The following OR51B5 variants were observed in gnomAD, a reference collection of about 807,000 sequenced individuals.
OR51B5 encodes olfactory receptor 51B5.
For missense variants in OR51B5, 456 were observed against 374.6 expected (o/e 1.22, Z -1.79); for synonymous variants, 186 against 144.8 (o/e 1.28, Z -2.04).
At chr11:5,408,077 A>C in intron 1 of OR51B5, among the ~76,000 whole-genome samples, 1 of 143,738 alleles carries the variant, frequency 7.0e-6, no homozygotes, top group East Asian at 2.0e-4. Flanking sequence ...CCGTCCCTGA[A>C]GCTACATCTT....
chr11:5,486,235 C>G (rs1323205361), intron 1 of OR51B5, among the ~76,000 whole-genome samples: 10 of 145,800 alleles, frequency 6.9e-5, no homozygotes, highest in Admixed American at 6.8e-4. Flanking sequence ...CCCACTACCT[C>G]TTTTTCTTTC....
intron 1 of OR51B5, among the ~76,000 whole-genome samples, chr11:5,460,995 C>T (rs981213843): frequency 2.0e-5 from 3 of 152,160 alleles, no homozygotes; most frequent in Non-Finnish European, 2.9e-5. Flanking sequence ...AACACTCTGA[C>T]AGGGGCTGCC....
chr11:5,389,321 G>C (rs1300707490), intron 1 of OR51B5: 2 of 1,361,452 alleles, frequency 1.5e-6, no homozygotes, highest in Non-Finnish European at 2.1e-6. Context: ...GGTACTGCTT[G>C]TGATGTTGTG....
intron 1 of OR51B5, among the ~76,000 whole-genome samples, chr11:5,353,966 G>GTGTGTCTGTCTATAGTA (rs11274213): frequency 6.6e-6 from 1 of 151,796 alleles, no homozygotes; most frequent in African/African-American, 2.4e-5. Flanking sequence ...CAACTTGGCT[G>GTGTGTCTGTCTATAGTA]TGTGTGAAAT....
At chr11:5,446,911 G>A (rs1478172905) in intron 1 of OR51B5, among the ~76,000 whole-genome samples, 1 of 152,214 alleles carries the variant, frequency 6.6e-6, no homozygotes, top group Non-Finnish European at 1.5e-5. Context: ...TATAAATCGT[G>A]TTTGATAGTG....
chr11:5,425,791 A>G (rs969982656), intron 1 of OR51B5, among the ~76,000 whole-genome samples: 1 of 152,202 alleles, frequency 6.6e-6, no homozygotes, highest in Non-Finnish European at 1.5e-5. Flanking sequence ...TTAAGAGGAC[A>G]TAAGATTGGA....
chr11:5,423,850 T>C (rs1850398778), intron 1 of OR51B5, among the ~76,000 whole-genome samples: 2 of 152,224 alleles, frequency 1.3e-5, no homozygotes, highest in African/African-American at 4.8e-5. Context: ...TGCTAGAGTT[T>C]TTCAGTATTC....
Position 5,422,736 on chromosome 11 carries a change from C to G in OR51B5, n.85-75826G>C, listed in dbSNP as rs772375558. On this transcript the variant is annotated intron_variant and non_coding_transcript_variant, in intron 1 of 4. Coordinates refer to the OR51B5 transcript ENST00000415970. The stretch of plus-strand genomic sequence containing the variant: ...TGCCACTCCCACCTTCTCTCTCGCT[C>G]CTATTGCCTCCACCAGGATATGATC... 1.9e-5 allele frequency: 31 copies of G among 1,613,932 alleles called. No individual in the cohort carries two copies. Among genetic ancestry groups the G allele is most frequent in the Non-Finnish European group, 1.4e-5 (16 of 1,179,966 alleles).
intron 1 of OR51B5, among the ~76,000 whole-genome samples, chr11:5,369,772 T>C (rs1849422791): frequency 6.6e-6 from 1 of 152,206 alleles, no homozygotes; most frequent in African/African-American, 2.4e-5. Flanking sequence ...GGGCTATGTG[T>C]AGCACTGTTA....
chr11:5,370,290 T>C (rs1282243429), intron 1 of OR51B5, among the ~76,000 whole-genome samples: 1 of 152,212 alleles, frequency 6.6e-6, no homozygotes, highest in Non-Finnish European at 1.5e-5. Flanking sequence ...GTGACGATAG[T>C]ATCTTTTATG....
chr11:5,422,268 A>AG, intron 1 of OR51B5: 1 of 1,614,102 alleles, frequency 6.2e-7, no homozygotes, highest in Non-Finnish European at 8.5e-7. Context: ...CCTGGATTTG[A>AG]GGCCTCCCAC....
chr11:5,505,047 C>T (rs1846351812), intron 1 of OR51B5, among the ~76,000 whole-genome samples: 1 of 152,186 alleles, frequency 6.6e-6, no homozygotes, highest in African/African-American at 2.4e-5. Context: ...TTCAAAGGAG[C>T]CTCAGGTTTT....
At chr11:5,433,350 C>T (rs114573911) in intron 1 of OR51B5, among the ~76,000 whole-genome samples, 5,479 of 152,190 alleles carry the variant, frequency 0.036, 273 homozygotes, top group African/African-American at 0.12. Context: ...TTTATAAAAT[C>T]AATTTTTAAA....
chr11:5,404,341 T>C (rs959846731), intron 1 of OR51B5, among the ~76,000 whole-genome samples: 1 of 152,164 alleles, frequency 6.6e-6, no homozygotes, highest in Non-Finnish European at 1.5e-5. Flanking sequence ...TAAAGGGTTG[T>C]AAATGCACCA....
chr11:5,391,745 G>A (rs373555422), intron 1 of OR51B5: 2 of 141,438 alleles, frequency 1.4e-5, no homozygotes, highest in South Asian at 4.8e-4. Flanking sequence ...ATTACCATGA[G>A]GCCAGGCACG....
chr11:5,408,445 A>G (rs1850095076), intron 1 of OR51B5, among the ~76,000 whole-genome samples: 1 of 150,022 alleles, frequency 6.7e-6, no homozygotes, highest in Non-Finnish European at 1.5e-5. Context: ...CCTTGGATAT[A>G]ATTTGGAAAA....
chr11:5,366,643 G>A (rs1849373216), intron 1 of OR51B5, among the ~76,000 whole-genome samples: 1 of 147,692 alleles, frequency 6.8e-6, no homozygotes, highest in South Asian at 2.1e-4. Flanking sequence ...TAGGGAGGGA[G>A]GAAGGAAGGG....
chr11:5,438,708 A>G (rs1195312784), intron 1 of OR51B5, among the ~76,000 whole-genome samples: 1 of 152,206 alleles, frequency 6.6e-6, no homozygotes, highest in African/African-American at 2.4e-5. Flanking sequence ...TAAACAAAAC[A>G]TCCATGCAAA....
At chr11:5,376,604 C>G (rs185376145) in intron 1 of OR51B5, among the ~76,000 whole-genome samples, 4,690 of 151,996 alleles carry the variant, frequency 0.031, 241 homozygotes, top group African/African-American at 0.11. Flanking sequence ...CAAATAGACA[C>G]AATAAAAAAA....
Sources: gnomAD v4.1 joint callset for allele counts (sites outside exome capture counted in the v4.1 genomes callset) on GRCh38, gnomAD v4.1.1 for gene constraint, MANE v1.5 for transcripts, NCBI Gene and HGNC (gene_info 2026-07-23, HGNC 2026-07-21) for gene names.